The following GABRB1 variants were observed in gnomAD, a reference collection of about 807,000 sequenced individuals.
GABRB1 encodes gamma-aminobutyric acid receptor subunit beta-1.
In GABRB1, 17 loss-of-function variants were observed where a neutral mutation model predicts 51.6. That is an observed-to-expected ratio of 0.33 (90% confidence interval 0.23 to 0.49). The LOEUF (loss-of-function observed/expected upper bound fraction) is 0.49, where lower values mean the gene tolerates loss of function less well. Among genes scored for constraint, GABRB1 ranks in the 20% least tolerant of loss-of-function variants. The pLI is 0.99. For synonymous variants in GABRB1, 247 were observed against 218.9 expected (o/e 1.13, Z -1.14); for missense variants, 410 against 600.6 (o/e 0.68, Z 3.32).
chr4:47,419,403 T>A (rs960004067), intron 8 of GABRB1, among the ~76,000 whole-genome samples: 1 of 152,108 alleles, frequency 6.6e-6, no homozygotes, highest in African/African-American at 2.4e-5. Context: ...AGGAAGGAGA[T>A]GAAAGAAAGA....
intron 4 of GABRB1, among the ~76,000 whole-genome samples, chr4:47,303,656 T>G (rs1346474174): frequency 6.6e-6 from 1 of 152,070 alleles, no homozygotes; most frequent in Non-Finnish European, 1.5e-5. Context: ...ATATTTATTA[T>G]GTACAACATG....
intron 3 of GABRB1, among the ~76,000 whole-genome samples, chr4:47,103,350 A>G (rs914523578): frequency 6.6e-6 from 1 of 151,988 alleles, no homozygotes; most frequent in Admixed American, 6.6e-5. Flanking sequence ...GTGGCTGAAA[A>G]TCTTTTCCCA....
At chr4:47,211,023 CTTAGCTT>C (rs1209930340) in intron 4 of GABRB1, among the ~76,000 whole-genome samples, 5 of 152,148 alleles carry the variant, frequency 3.3e-5, no homozygotes. Context: ...AGGCAGAGTG[CTTAGCTT>C]CTTTGACACA....
chr4:47,039,969 T>C (rs1725764864), intron 3 of GABRB1, among the ~76,000 whole-genome samples: 1 of 152,172 alleles, frequency 6.6e-6, no homozygotes, highest in Admixed American at 6.6e-5. Context: ...TCTGAAAGGA[T>C]ACACAAAAGA....
chr4:47,261,828 C>CT (rs1230695375), intron 4 of GABRB1, among the ~76,000 whole-genome samples: 4 of 152,184 alleles, frequency 2.6e-5, no homozygotes, highest in Non-Finnish European at 4.4e-5. Flanking sequence ...CAGCATGGTA[C>CT]TTTTACCAAA....
intron 4 of GABRB1, among the ~76,000 whole-genome samples, chr4:47,251,768 T>A (rs1370544511): frequency 2.0e-5 from 3 of 151,972 alleles, no homozygotes; most frequent in Admixed American, 6.5e-5. Flanking sequence ...GTCGGGGAAG[T>A]GGGGGAAAGC....
intron 4 of GABRB1, among the ~76,000 whole-genome samples, chr4:47,254,357 C>CTTTTTT (rs1560299723): frequency 2.0e-5 from 1 of 49,658 alleles, no homozygotes; most frequent in African/African-American, 7.8e-5. Flanking sequence ...TGTTTCTTTT[C>CTTTTTT]TTTGTTTTTT....
chr4:47,130,236 A>T (rs1210331338), intron 3 of GABRB1, among the ~76,000 whole-genome samples: 1 of 152,016 alleles, frequency 6.6e-6, no homozygotes, highest in East Asian at 1.9e-4. Context: ...AGACCACAAG[A>T]TTTAAGCAGT....
intron 4 of GABRB1, among the ~76,000 whole-genome samples, chr4:47,193,062 C>T (rs1209008174): frequency 2.6e-5 from 4 of 152,184 alleles, no homozygotes; most frequent in Non-Finnish European, 5.9e-5. Flanking sequence ...CCACATGAAG[C>T]TAGCACTATA....
At chr4:47,359,835 G>T (rs1044704201) in intron 5 of GABRB1, among the ~76,000 whole-genome samples, 2 of 152,026 alleles carry the variant, frequency 1.3e-5, no homozygotes. Context: ...GTAATTTGTG[G>T]TCAAAAGACT....
At chr4:47,203,759 C>T (rs1719999243) in intron 4 of GABRB1, among the ~76,000 whole-genome samples, 1 of 152,040 alleles carries the variant, frequency 6.6e-6, no homozygotes, top group South Asian at 2.1e-4. Flanking sequence ...TCTCTCATCC[C>T]ATCGAGACAT....
At chr4:47,332,176 A>G (rs1725508810) in intron 5 of GABRB1, among the ~76,000 whole-genome samples, 1 of 152,190 alleles carries the variant, frequency 6.6e-6, no homozygotes, top group African/African-American at 2.4e-5. Flanking sequence ...TTAGAATAAC[A>G]ATTATTTTGC....
At chr4:47,322,362 A>G (rs1415804366) in intron 5 of GABRB1, among the ~76,000 whole-genome samples, 2 of 152,188 alleles carry the variant, frequency 1.3e-5, no homozygotes, top group Admixed American at 6.5e-5. Context: ...TCACAGAACT[A>G]CAATTCCTAG....
At chr4:47,176,298 A>T (rs1030947351) in intron 4 of GABRB1, among the ~76,000 whole-genome samples, 6 of 152,178 alleles carry the variant, frequency 3.9e-5, no homozygotes, top group East Asian at 3.8e-4. Context: ...AGAATTTATT[A>T]AAACAAAGAT....
At chr4:47,074,366 A>C (rs1727465480) in intron 3 of GABRB1, among the ~76,000 whole-genome samples, 1 of 152,216 alleles carries the variant, frequency 6.6e-6, no homozygotes, top group Non-Finnish European at 1.5e-5. Flanking sequence ...TCCTGGTAAC[A>C]TGTAAGGCTA....
chr4:47,425,516 A>ATCGATC, intron 8 of GABRB1, among the ~76,000 whole-genome samples, 158 bp from the exon 9 acceptor site: 1 of 149,436 alleles, frequency 6.7e-6, no homozygotes, highest in Non-Finnish European at 1.5e-5. Flanking sequence ...ATAGATAGAT[A>ATCGATC]GATCGATCGA....
chr4:47,049,655 G>A lies in GABRB1; in HGVS notation c.240+17171G>A, dbSNP rs540680607. ...CTTTTCTGCCTCATGTAGGAATATC[G>A]TCTTTATTTTTAAAAAATCTTGGTT... is the stretch of plus-strand genomic sequence containing the variant. On this transcript the variant is annotated intron_variant, in intron 3 of 8. Transcript: ENST00000295454. Among the ~76,000 whole-genome samples, 8 of 152,136 alleles carry A rather than the reference G, an allele frequency of 5.3e-5. No homozygotes were observed. The East Asian group carries it at 1.3e-3, about 26-fold the overall frequency.
At chr4:47,359,304 A>G (rs1410596185) in intron 5 of GABRB1, among the ~76,000 whole-genome samples, 1 of 152,138 alleles carries the variant, frequency 6.6e-6, no homozygotes, top group Non-Finnish European at 1.5e-5. Flanking sequence ...TCATTTTTTC[A>G]TCTGAAGATT....
At chr4:47,130,325 CTGTGTGTGTGTGTGTGTGTGTGTGTG>C (rs67244692) in intron 3 of GABRB1, among the ~76,000 whole-genome samples, 59 of 133,734 alleles carry the variant, frequency 4.4e-4, no homozygotes, top group African/African-American at 7.7e-4. Flanking sequence ...GCTCCAGATA[CTGTGTGTGTGTGTGTGTGTGTGTGTG>C]TGTGTGTGTG....
Sources: gnomAD v4.1 joint callset for allele counts (sites outside exome capture counted in the v4.1 genomes callset) on GRCh38, gnomAD v4.1.1 for gene constraint, MANE v1.5 for transcripts, NCBI Gene and HGNC (gene_info 2026-07-23, HGNC 2026-07-21) for gene names.